The following ATP13A5 variants were observed in gnomAD, a reference collection of about 807,000 sequenced individuals.
The protein encoded by ATP13A5 is probable cation-transporting ATPase 13A5.
In ATP13A5, 149 loss-of-function variants were observed where a neutral mutation model predicts 150.2. That is an observed-to-expected ratio of 0.99 (90% confidence interval 0.87 to 1.14). ATP13A5 has a LOEUF of 1.14. ATP13A5 is among the 50% of genes most tolerant of loss of function. The probability of loss-of-function intolerance (pLI) is 0.00; values close to 1 mark genes in which losing one functional copy is unlikely to be tolerated. For synonymous variants in ATP13A5, 497 were observed against 522.2 expected (o/e 0.95, Z 0.66); for missense variants, 1,383 against 1,449.3 (o/e 0.95, Z 0.74).
rs1042297057 is a variant in ATP13A5 at position 193,319,227 on chromosome 3, A to T, written c.1916-119T>A. ...TTTCATTCCATAAAAGCACTTTAATAGAAAACTTAGAGCTTCTCCTAAAGG... is the reference window on the plus strand; with the variant it reads ...TTTCATTCCATAAAAGCACTTTAATTGAAAACTTAGAGCTTCTCCTAAAGG... On this transcript the variant is annotated intron_variant, in intron 16 of 29. Transcript: ENST00000342358. The T allele has an allele frequency of 2.5e-5, 17 of 692,612 alleles. No homozygotes were observed. In the African/African-American group the frequency reaches 2.7e-4, roughly 11 times the overall value. 42.9% of individuals were successfully genotyped at this position (692,612 alleles called of 1,614,324 possible).
intron 25 of ATP13A5, among the ~76,000 whole-genome samples, chr3:193,291,471 G>T (rs986912073): frequency 6.6e-6 from 1 of 151,984 alleles, no homozygotes; most frequent in Admixed American, 6.6e-5. Flanking sequence ...GGCTTTGAGA[G>T]TTTATGCTAA....
intron 5 of ATP13A5, among the ~76,000 whole-genome samples, chr3:193,355,023 C>T (rs1287607801): frequency 6.6e-6 from 1 of 151,392 alleles, no homozygotes; most frequent in African/African-American, 2.4e-5. Context: ...ACCTCCGCCT[C>T]CCAGGTTCAA....
intron 16 of ATP13A5, among the ~76,000 whole-genome samples, chr3:193,320,144 A>T (rs1415235165): frequency 1.3e-5 from 2 of 152,192 alleles, no homozygotes; most frequent in Admixed American, 6.5e-5. Context: ...TTAGGTGGCA[A>T]ATCAACTAAG....
At chr3:193,351,555 C>A (rs182787992) in intron 6 of ATP13A5, among the ~76,000 whole-genome samples, 2 of 152,158 alleles carry the variant, frequency 1.3e-5, no homozygotes, top group Non-Finnish European at 2.9e-5. Flanking sequence ...CTTTTAAAAA[C>A]GTACTTCCAT....
At chr3:193,360,390 G>C (rs191246825) in intron 5 of ATP13A5, among the ~76,000 whole-genome samples, 2 of 152,220 alleles carry the variant, frequency 1.3e-5, no homozygotes, top group East Asian at 3.9e-4. Context: ...GTGTATCCCC[G>C]TTCATTTCTC....
chr3:193,337,249 T>C lies in ATP13A5; in HGVS notation c.944-2150A>G, dbSNP rs546452560. On this transcript the variant is annotated intron_variant, in intron 9 of 29. Transcript: ENST00000342358. ...AGAAGCTCTTTAGTTTAATTAGATC[T>C]CATTTGTCAATTTTGGCTTTTGTTG... 7.5e-3 allele frequency among the ~76,000 whole-genome samples: 1,139 copies of C among 152,156 alleles called. 10 individuals carry two copies. The highest frequency in any genetic ancestry group is 0.026 in the African/African-American group (1,067 of 41,504).
rs367656557 is a variant in ATP13A5, at chr3:193,305,542, AG to A, written c.2678+16del. On this transcript the variant is annotated intron_variant, in intron 23 of 29. Coordinates refer to ENST00000342358, the MANE Select transcript of ATP13A5 (RefSeq NM_198505.4). Reference sequence around the variant, plus strand: ...GGCCCATTGATTGTAGGGCTGGAAGAGGAAAAAATGACTTACCTGATGAGAT... The same window carrying A: ...GGCCCATTGATTGTAGGGCTGGAAGAGAAAAAATGACTTACCTGATGAGAT... 3.3e-4 allele frequency: 521 copies of A among 1,597,612 alleles called. 5 individuals carry two copies. The East Asian group carries it at 9.3e-3, about 29-fold the overall frequency.
At chr3:193,327,823 C>T (rs73888261) in intron 12 of ATP13A5, among the ~76,000 whole-genome samples, 11,127 of 152,220 alleles carry the variant, frequency 0.073, 518 homozygotes, top group African/African-American at 0.12. Flanking sequence ...TTTAGGCCTG[C>T]TTAACACCCT....
intron 9 of ATP13A5, among the ~76,000 whole-genome samples, 156 bp downstream of exon 9, chr3:193,343,771 G>T (rs1712216503): frequency 6.6e-6 from 1 of 152,132 alleles, no homozygotes; most frequent in African/African-American, 2.4e-5. Context: ...TTTCCTGTTT[G>T]TGTATATTGT....
chr3:193,347,524 C>CTTTTCTTTTTT (rs72383894), intron 7 of ATP13A5, among the ~76,000 whole-genome samples: 2 of 145,386 alleles, frequency 1.4e-5, no homozygotes, highest in Non-Finnish European at 1.5e-5. Context: ...CCTTAGATTT[C>CTTTTCTTTTTT]TTTTTTTTTT....
intron 23 of ATP13A5, among the ~76,000 whole-genome samples, chr3:193,303,412 G>A (rs1414487982): frequency 6.6e-6 from 1 of 152,052 alleles, no homozygotes; most frequent in Non-Finnish European, 1.5e-5. Flanking sequence ...AATTTATTGA[G>A]CACGTCCCAT....
intron 16 of ATP13A5, among the ~76,000 whole-genome samples, chr3:193,320,936 A>G (rs1719247473): frequency 1.3e-5 from 2 of 152,156 alleles, no homozygotes; most frequent in African/African-American, 4.8e-5. Flanking sequence ...ATACCATTGA[A>G]TTTACTCTGA....
chr3:193,303,859 TTATGTAAATA>T (rs1679904990), intron 23 of ATP13A5, among the ~76,000 whole-genome samples: 1 of 151,524 alleles, frequency 6.6e-6, no homozygotes. Context: ...ATATATGTAT[TTATGTAAATA>T]TATGTAACAT....
intron 9 of ATP13A5, among the ~76,000 whole-genome samples, chr3:193,337,038 T>C (rs1350917155): frequency 1.3e-5 from 2 of 152,246 alleles, no homozygotes; most frequent in South Asian, 2.1e-4. Context: ...ATGTCTTCTT[T>C]TGAGAAGTGT....
chr3:193,337,125 T>G (rs1425977195), intron 9 of ATP13A5, among the ~76,000 whole-genome samples: 1 of 152,248 alleles, frequency 6.6e-6, no homozygotes, highest in African/African-American at 2.4e-5. Flanking sequence ...TCTTTGTAGA[T>G]TCTGGATATT....
rs764779524 is a variant in ATP13A5, at chr3:193,351,138, T to C, written c.670A>G (p.Ile224Val). The change falls in exon 7 of 30, where the codon ATA becomes GTA. Residue 224 changes from isoleucine to valine, a missense_variant. Around this residue, in one of 3 missense-constraint regions of ATP13A5, gnomAD observed 787 missense variants for 771.9 expected, o/e 1.02. Coordinates refer to ENST00000342358, the MANE Select transcript of ATP13A5 (RefSeq NM_198505.4). Reference protein sequence around the residue: ...TLTLWLSQGYIEYSVAIIILT... With the variant: ...TLTLWLSQGYVEYSVAIIILT... ...ATGATGATGGCCACAGAGTATTCTATGTAACCTTGAGACAGCCACAAAGTT... is the reference window on the plus strand; with the variant it reads ...ATGATGATGGCCACAGAGTATTCTACGTAACCTTGAGACAGCCACAAAGTT... The C allele has an allele frequency of 6.8e-6, 11 of 1,613,818 alleles. No individual in the cohort carries two copies. The East Asian group carries it at 1.6e-4, about 23-fold the overall frequency.
chr3:193,312,064 T>C, intron 19 of ATP13A5, 123 bp from the exon 20 acceptor site: 1 of 1,279,572 alleles, frequency 7.8e-7, no homozygotes, highest in East Asian at 2.3e-5. Context: ...CAAAATAATG[T>C]GTAATTTGCC....
chr3:193,369,459 A>G (rs1021949392), intron 1 of ATP13A5, among the ~76,000 whole-genome samples: 6 of 152,136 alleles, frequency 3.9e-5, no homozygotes, highest in African/African-American at 1.4e-4. Context: ...TATGTCACAC[A>G]GTATATGTAT....
Position 193,322,594 on chromosome 3 carries a change from T to C in ATP13A5, c.1675-20A>G. ...CATTTTCTGTTATAAAATGAAAACA[T>C]TCATAAGATTCTTTGAATAAAAATA... On this transcript the variant is annotated intron_variant, in intron 14 of 29. Coordinates refer to ENST00000342358, the MANE Select transcript of ATP13A5 (RefSeq NM_198505.4). The C allele has an allele frequency of 1.3e-6, 2 of 1,494,986 alleles. No individual in the cohort carries two copies. The highest frequency in any genetic ancestry group is 1.9e-6 in the Non-Finnish European group (2 of 1,075,908). The allele number at this position is 1,494,986 out of a possible 1,614,324, so 92.6% of individuals were successfully genotyped here.
Sources: allele counts gnomAD v4.1 joint callset (sites outside exome capture counted in the v4.1 genomes callset), GRCh38; gene constraint gnomAD v4.1.1; regional missense constraint gnomAD v4.1.1; transcripts MANE v1.5; gene names NCBI Gene and HGNC (gene_info 2026-07-23, HGNC 2026-07-21).